ADAM22: variants seen among roughly 807,000 people sequenced by gnomAD.
The protein encoded by ADAM22 is ADAM metallopeptidase domain 22, also known as disintegrin and metalloproteinase domain-containing protein 22.
A neutral mutation model predicts 144.6 loss-of-function variants in ADAM22; 65 were observed. The ratio of observed to expected loss-of-function variants is 0.45; its 90% confidence interval spans 0.37 to 0.55. The LOEUF is 0.55. Among genes scored for constraint, ADAM22 ranks in the 20% least tolerant of loss-of-function variants. ADAM22 has a pLI of 0.00. For missense variants in ADAM22, 974 were observed against 1,184.9 expected (o/e 0.82, Z 2.61); for synonymous variants, 391 against 412.6 (o/e 0.95, Z 0.63).
chr7:88,168,043 G>T, intron 24 of ADAM22, 94 bp from the exon 25 acceptor site: 1 of 956,896 alleles, frequency 1.0e-6, no homozygotes. Flanking sequence ...AAAACAAACA[G>T]TGTTGTTAGT....
At chr7:88,195,950 A>C (rs1213643555) in intron 31 of ADAM22, among the ~76,000 whole-genome samples, 1 of 152,172 alleles carries the variant, frequency 6.6e-6, no homozygotes, top group East Asian at 1.9e-4. Flanking sequence ...GCACAAGGGA[A>C]TCATCTGCAA....
chr7:88,038,069 C>T (rs1801942348), intron 3 of ADAM22, among the ~76,000 whole-genome samples: 1 of 152,132 alleles, frequency 6.6e-6, no homozygotes, highest in East Asian at 1.9e-4. Context: ...GTTGGGAAAC[C>T]AGACAACATC....
At chr7:88,143,226 A>G (rs1271020915) in intron 15 of ADAM22, 101 bp downstream of exon 15, 8 of 802,354 alleles carry the variant, frequency 1.0e-5, no homozygotes, top group Non-Finnish European at 1.4e-5. Context: ...GAGCTTTTCA[A>G]CTTGCCCTGT....
intron 3 of ADAM22, among the ~76,000 whole-genome samples, chr7:88,013,511 A>G (rs1179979834): frequency 6.6e-6 from 1 of 152,106 alleles, no homozygotes; most frequent in Non-Finnish European, 1.5e-5. Flanking sequence ...TGCAGCCTCA[A>G]AGTCCTGGGC....
intron 3 of ADAM22, among the ~76,000 whole-genome samples, chr7:87,980,973 T>C (rs1853258773): frequency 6.6e-6 from 1 of 152,174 alleles, no homozygotes; most frequent in South Asian, 2.1e-4. Flanking sequence ...TATTTTATTG[T>C]GAAACATTCT....
In ADAM22 at chr7:88,132,923, C is replaced by T. The variant is rs1320015448; in HGVS notation, c.1049C>T (p.Ser350Leu). The change falls in exon 12 of 32, where the codon TCG becomes TTG. Residue 350 changes from serine (S) to leucine (L), a missense_variant. This residue lies in a region of ADAM22 where 734 missense variants were observed against 950.6 expected (regional missense o/e 0.77). Coordinates refer to ENST00000413139, the MANE Select transcript of ADAM22 (RefSeq NM_001324418.2). ...GCAGCTTATATTGGTGGGATTTGCT[C>T]GTTGCTGAAAGGAGGAGGCGTGAAT... The part of the protein sequence containing the change: ...SGAAYIGGIC[S>L]LLKGGGVNEF... The T allele has an allele frequency of 1.9e-6, 3 of 1,613,742 alleles. No homozygotes were observed. The highest frequency in any genetic ancestry group is 3.3e-5 in the Admixed American group (2 of 59,986).
chr7:88,073,470 C>T (rs564199785), intron 3 of ADAM22, among the ~76,000 whole-genome samples: 3 of 152,224 alleles, frequency 2.0e-5, no homozygotes, highest in East Asian at 1.9e-4. Flanking sequence ...CTGGAACTGC[C>T]CTGATGTCAG....
At chr7:87,972,618 A>G (rs536724867) in intron 2 of ADAM22, among the ~76,000 whole-genome samples, 94 of 152,358 alleles carry the variant, frequency 6.2e-4, no homozygotes, top group African/African-American at 2.0e-3. Context: ...AAGAGCCCGC[A>G]TCGCCAAGTC....
chr7:88,120,517 A>G (rs938557579), intron 7 of ADAM22, among the ~76,000 whole-genome samples: 1 of 152,114 alleles, frequency 6.6e-6, no homozygotes, highest in Non-Finnish European at 1.5e-5. Flanking sequence ...TCATTCTTTA[A>G]TTTTAGCTAT....
In ADAM22 at chr7:88,141,495, T is replaced by C. The variant is rs17341168; in HGVS notation, c.1221-1531T>C. 7.9e-3 allele frequency among the ~76,000 whole-genome samples: 1,211 copies of C among 152,344 alleles called. 9 individuals are homozygous for C. The highest frequency in any genetic ancestry group is 0.024 in the Middle Eastern group (7 of 294). ...ATATAAATGGACAGTTTTTGCAGGC[T>C]ACTGGGAAACTTTATAAAAACTACT... is the stretch of plus-strand genomic sequence containing the variant. On this transcript the variant is annotated intron_variant, in intron 14 of 31. Transcript: ENST00000413139.
rs548153482 is a variant in ADAM22, at chr7:88,018,434, A to T, written c.323+40022A>T. Reference sequence around the variant, plus strand: ...AAGTAAATAATATGAGAAAATCTAGATTTTTTTTCCCCCATTACTGTTCTA... The same window carrying T: ...AAGTAAATAATATGAGAAAATCTAGTTTTTTTTTCCCCCATTACTGTTCTA... On this transcript the variant is annotated intron_variant, in intron 3 of 31. Coordinates refer to ENST00000413139, the MANE Select transcript of ADAM22 (RefSeq NM_001324418.2). 1.3e-4 allele frequency among the ~76,000 whole-genome samples: 20 copies of T among 152,128 alleles called. No individual in the cohort carries two copies. The South Asian group carries it at 3.5e-3, about 27-fold the overall frequency.
chr7:87,991,362 T>A (rs796567297), intron 3 of ADAM22, among the ~76,000 whole-genome samples: 77 of 141,000 alleles, frequency 5.5e-4, no homozygotes, highest in East Asian at 1.6e-3. Context: ...ATTTTTTTTT[T>A]TTTTTTTTTT....
chr7:88,186,343 G>C, intron 29 of ADAM22: 1 of 415,784 alleles, frequency 2.4e-6, no homozygotes, highest in Non-Finnish European at 4.3e-6. Context: ...GATTGAAAGG[G>C]AGCTTCTAAT....
chr7:88,051,572 G>A (rs972949376), intron 3 of ADAM22, among the ~76,000 whole-genome samples: 3 of 152,052 alleles, frequency 2.0e-5, no homozygotes, highest in Non-Finnish European at 4.4e-5. Flanking sequence ...GAGGAGGGAG[G>A]GATAGCATTA....
rs371653924 is a variant in ADAM22, at chr7:88,074,592, G to A, written c.324-1034G>A. ...TTTTCTACAGCTTGCAGCTGAGAGC[G>A]TGCTAGCTGATTCTAACATAAAGTC... is the stretch of plus-strand genomic sequence containing the variant. On this transcript the variant is annotated intron_variant, in intron 3 of 31. Transcript: ENST00000413139. Among the ~76,000 whole-genome samples the A allele has an allele frequency of 5.3e-5, 8 of 152,304 alleles. No individual in the cohort carries two copies. In the South Asian group the frequency reaches 1.2e-3, roughly 24 times the overall value.
At chr7:88,005,438 G>C (rs757073499) in intron 3 of ADAM22, among the ~76,000 whole-genome samples, 1 of 152,110 alleles carries the variant, frequency 6.6e-6, no homozygotes, top group Non-Finnish European at 1.5e-5. Context: ...CATCACAGTG[G>C]GATCTACTAC....
chr7:88,094,331 G>A (rs1365869996), intron 4 of ADAM22, among the ~76,000 whole-genome samples: 1 of 152,152 alleles, frequency 6.6e-6, no homozygotes, highest in Non-Finnish European at 1.5e-5. Context: ...AAAAATAACA[G>A]GTGAATGAAA....
intron 3 of ADAM22, among the ~76,000 whole-genome samples, chr7:88,061,840 T>TC (rs962015377): frequency 1.1e-4 from 6 of 55,656 alleles, no homozygotes; most frequent in East Asian, 1.2e-3. Context: ...TCTCTCTCTC[T>TC]TTTTTTTTTT....
chr7:87,977,997 T>C (rs1380460498), intron 2 of ADAM22, among the ~76,000 whole-genome samples: 1 of 152,184 alleles, frequency 6.6e-6, no homozygotes, highest in Non-Finnish European at 1.5e-5. Flanking sequence ...TTATTTTCTT[T>C]CCAAATGTAC....
Sources: gnomAD v4.1 joint callset for allele counts (sites outside exome capture counted in the v4.1 genomes callset) on GRCh38, gnomAD v4.1.1 for gene constraint, gnomAD v4.1.1 regional missense constraint, MANE v1.5 for transcripts, NCBI Gene and HGNC (gene_info 2026-07-23, HGNC 2026-07-21) for gene names.